The following ANKRD11 variants were observed in gnomAD, a reference collection of about 807,000 sequenced individuals.
The protein encoded by ANKRD11 is ankyrin repeat domain-containing protein 11.
ANKRD11 carries 17 observed loss-of-function variants against 195.7 expected under a neutral mutation model. The observed-to-expected ratio is 0.09, with a 90% CI of 0.06 to 0.13. ANKRD11 has a LOEUF of 0.13. ANKRD11 is among the 10% of genes least tolerant of loss of function. The pLI is 1.00. For synonymous variants in ANKRD11, 1,953 were observed against 1,528.1 expected (o/e 1.28, Z -6.49); for missense variants, 3,735 against 3,566.1 (o/e 1.05, Z -1.21).
chr16:89,490,065 T>C (rs1432161737), intron 1 of ANKRD11, among the ~76,000 whole-genome samples, 180 bp downstream of exon 1: 1 of 130,638 alleles, frequency 7.7e-6, no homozygotes, highest in African/African-American at 2.9e-5. Context: ...GACCCATTAT[T>C]GGTCCCTCAC....
At chr16:89,422,248 A>C (rs570946715) in intron 1 of ANKRD11, 1 of 152,342 alleles carries the variant, frequency 6.6e-6, no homozygotes, top group East Asian at 1.9e-4. Context: ...CAGAAGCTCA[A>C]GGCTGCAGTC....
intron 1 of ANKRD11, among the ~76,000 whole-genome samples, chr16:89,435,338 A>C (rs2043168709): frequency 6.6e-6 from 1 of 152,212 alleles, no homozygotes; most frequent in South Asian, 2.1e-4. Flanking sequence ...GAATAAGGGA[A>C]TAAAAGCTGG....
chr16:89,455,019 AGGGTTCCTC>A (rs1453000956), intron 1 of ANKRD11, among the ~76,000 whole-genome samples: 5 of 89,354 alleles, frequency 5.6e-5, no homozygotes, highest in African/African-American at 1.8e-4. Context: ...GGGTGCTGTT[AGGGTTCCTC>A]AAGCTGCTCC....
At chr16:89,476,489 A>C (rs943209708) in intron 1 of ANKRD11, among the ~76,000 whole-genome samples, 3 of 152,190 alleles carry the variant, frequency 2.0e-5, no homozygotes, top group Non-Finnish European at 2.9e-5. Context: ...ACCTGGCCAA[A>C]CCAGGAGAGG....
intron 3 of ANKRD11, among the ~76,000 whole-genome samples, chr16:89,312,821 C>T (rs2036685092): frequency 1.3e-5 from 2 of 152,216 alleles, no homozygotes; most frequent in Admixed American, 1.3e-4. Flanking sequence ...CACGCCGAGG[C>T]CCAGCCATGC....
Position 89,278,737 on chromosome 16 carries a change from CTGGTGG to C in ANKRD11, c.7470+329_7470+334del, listed in dbSNP as rs1374385558. On this transcript the variant is annotated intron_variant, in intron 9 of 12. Transcript: ENST00000301030. Reference sequence around the variant, plus strand: ...AGGGGGTGGCTCTCGTGAGGCCGTCCTGGTGGACGGGGAGTGGAGAGGGGAGAGTGA... The same window carrying C: ...AGGGGGTGGCTCTCGTGAGGCCGTCCACGGGGAGTGGAGAGGGGAGAGTGA... 5.7e-6 allele frequency: 3 copies of C among 525,266 alleles called. No homozygotes were observed. In the Admixed American group the frequency reaches 6.8e-5, roughly 12 times the overall value. The allele number at this position is 525,266 out of a possible 1,614,324, so 32.5% of individuals were successfully genotyped here.
At position 89,348,274 on chromosome 16, in the gene ANKRD11, G is replaced by A. The variant is rs145836865; in HGVS notation, c.-59-31196C>T. Among the ~76,000 whole-genome samples the A allele has an allele frequency of 3.7e-3, 562 of 152,164 alleles. 4 individuals carry two copies. The highest frequency in any genetic ancestry group is 0.012 in the African/African-American group (514 of 41,528). ...AAAAAATCTTCTTAGATGATCTTAC[G>A]GCATTTCATTTTCCTTATGTCAATA... On this transcript the variant is annotated intron_variant, in intron 2 of 12. Coordinates refer to ENST00000301030, the MANE Select transcript of ANKRD11 (RefSeq NM_013275.6).
chr16:89,436,913 T>C (rs1201187306), intron 1 of ANKRD11, among the ~76,000 whole-genome samples: 1 of 152,206 alleles, frequency 6.6e-6, no homozygotes, highest in East Asian at 1.9e-4. Flanking sequence ...CTGAATAAAA[T>C]TTAATATACA....
At chr16:89,466,350 G>A (rs981822069) in intron 1 of ANKRD11, among the ~76,000 whole-genome samples, 3 of 152,180 alleles carry the variant, frequency 2.0e-5, no homozygotes, top group African/African-American at 7.2e-5. Context: ...AAGGGGGAAG[G>A]GGGACAAGGA....
chr16:89,408,465 C>T (rs934205217), intron 2 of ANKRD11, among the ~76,000 whole-genome samples: 2 of 152,252 alleles, frequency 1.3e-5, no homozygotes, highest in Non-Finnish European at 1.5e-5. Context: ...TGACCCTGAG[C>T]GTGGTGGCAA....
At chr16:89,383,187 C>T (rs959470886) in intron 2 of ANKRD11, among the ~76,000 whole-genome samples, 4 of 152,162 alleles carry the variant, frequency 2.6e-5, no homozygotes, top group African/African-American at 7.2e-5. Flanking sequence ...GGGAGCGGTG[C>T]GAGGTCACCT....
Position 89,284,301 on chromosome 16 carries a change from C to T in ANKRD11, c.2241G>A (p.Ser747=), listed in dbSNP as rs775055229. Residue 747 remains serine, a synonymous_variant, in exon 9 of 13, where the codon TCG becomes TCA. Transcript: ENST00000301030. Reference sequence around the variant, plus strand: ...CTTCTTTCGGAGACTTTTCCTTCAGCGATCTCTCCTTTTCTGCTTTATTCG... The same window carrying T: ...CTTCTTTCGGAGACTTTTCCTTCAGTGATCTCTCCTTTTCTGCTTTATTCG... ...DRSNKAEKER[S]LKEKSPKEEK... is the part of the protein sequence containing the mutation. 4 of 1,613,710 alleles carry T rather than the reference C, an allele frequency of 2.5e-6. No individual in the cohort carries two copies. Among genetic ancestry groups the T allele is most frequent in the African/African-American group, 1.3e-5 (1 of 74,878 alleles).
intron 1 of ANKRD11, among the ~76,000 whole-genome samples, chr16:89,487,432 C>T (rs548279960): frequency 7.1e-4 from 108 of 152,332 alleles, no homozygotes; most frequent in African/African-American, 2.5e-3. Flanking sequence ...AATAAGACTC[C>T]TCTTATATTT....
chr16:89,385,572 C>A lies in ANKRD11; in HGVS notation c.-60+32712G>T, dbSNP rs554415550. Among the ~76,000 whole-genome samples, 20 of 152,330 alleles carry A rather than the reference C, an allele frequency of 1.3e-4. No homozygotes were observed. In the South Asian group the frequency reaches 1.4e-3, roughly 11 times the overall value. ...GCTGCTCCCTACCAATTCTCCAACT[C>A]TACTGAGTGAGCAAGAAGACAGTCA... is the stretch of plus-strand genomic sequence containing the variant. On this transcript the variant is annotated intron_variant, in intron 2 of 12. Coordinates refer to ENST00000301030, the MANE Select transcript of ANKRD11 (RefSeq NM_013275.6).
At chr16:89,275,011 A>G in intron 10 of ANKRD11, 54 bp from the exon 11 acceptor site, 6 of 1,611,814 alleles carry the variant, frequency 3.7e-6, no homozygotes, top group Non-Finnish European at 5.1e-6. Context: ...TCCAGGCCCC[A>G]CTGTCAACAC....
intron 1 of ANKRD11, among the ~76,000 whole-genome samples, chr16:89,433,678 G>C (rs1027495677): frequency 6.6e-6 from 1 of 151,128 alleles, no homozygotes; most frequent in Admixed American, 6.6e-5. Context: ...AGAAGGAACG[G>C]GCTTGGACGC....
At chr16:89,467,840 G>T (rs747222059) in intron 1 of ANKRD11, among the ~76,000 whole-genome samples, 3 of 151,890 alleles carry the variant, frequency 2.0e-5, no homozygotes, top group African/African-American at 7.3e-5. Context: ...TCGCTCTGTT[G>T]CCCGGGCTCA....
chr16:89,281,960 C>T lies in ANKRD11; in HGVS notation c.4582G>A (p.Ala1528Thr), dbSNP rs2151749063. 1.2e-5 allele frequency: 19 copies of T among 1,612,772 alleles called. No individual in the cohort carries two copies. The highest frequency in any genetic ancestry group is 1.4e-5 in the Non-Finnish European group (17 of 1,180,044). Residue 1528 changes from alanine to threonine, a missense_variant, in exon 9 of 13, where the codon GCC becomes ACC. Transcript: ENST00000301030. The surrounding 1 kb of genome is among the most constrained non-coding windows in gnomAD (Gnocchi z 5.5). ...TCCTTGAATTTCTCCTTCAGTTTGG[C>T]ATCGCCGAGCCTCGGGCCCTCGTCC... The part of the protein sequence containing the change: ...SRDEGPRLGD[A>T]KLKEKFKDGA...
chr16:89,371,721 T>C (rs1169906710), intron 2 of ANKRD11, among the ~76,000 whole-genome samples: 1 of 151,944 alleles, frequency 6.6e-6, no homozygotes, highest in Non-Finnish European at 1.5e-5. Flanking sequence ...GTCTCGGGTG[T>C]GGAGGGCGAT....
Sources: gnomAD v4.1 joint callset for allele counts (sites outside exome capture counted in the v4.1 genomes callset) on GRCh38, gnomAD v4.1.1 for gene constraint, Gnocchi (gnomAD v3.1) non-coding constraint, MANE v1.5 for transcripts, NCBI Gene and HGNC (gene_info 2026-07-23, HGNC 2026-07-21) for gene names.